Variants in KCNAB1 observed in about 807,000 individuals in gnomAD.
KCNAB1 encodes potassium voltage-gated channel subfamily A regulatory beta subunit 1.
In KCNAB1, 35 loss-of-function variants were observed where a neutral mutation model predicts 64.6. The ratio of observed to expected loss-of-function variants is 0.54; its 90% CI spans 0.41 to 0.72. The LOEUF (loss-of-function observed/expected upper bound fraction) is 0.72, where lower values mean the gene tolerates loss of function less well. Among genes scored for constraint, KCNAB1 ranks in the 30% least tolerant of loss-of-function variants. The pLI is 0.00. For missense variants in KCNAB1, 401 were observed against 512.9 expected (o/e 0.78, Z 2.11); for synonymous variants, 177 against 183.8 (o/e 0.96, Z 0.30).
chr3:156,387,014 C>CTCTCTTTT (rs60888308), intron 1 of KCNAB1, among the ~76,000 whole-genome samples: 20 of 90,524 alleles, frequency 2.2e-4, no homozygotes, highest in African/African-American at 1.1e-3. Context: ...TTCTCTCTCT[C>CTCTCTTTT]TTTTTTTTTT....
intron 1 of KCNAB1, among the ~76,000 whole-genome samples, chr3:156,365,833 C>G (rs1725910536): frequency 6.6e-6 from 1 of 152,078 alleles, no homozygotes; most frequent in Non-Finnish European, 1.5e-5. Context: ...TCATACAATC[C>G]AAATGGATGC....
intron 8 of KCNAB1, among the ~76,000 whole-genome samples, chr3:156,497,040 T>C (rs1301125169): frequency 6.6e-6 from 1 of 152,190 alleles, no homozygotes; most frequent in Non-Finnish European, 1.5e-5. Context: ...ATATTAACAT[T>C]AATATTTAAA....
chr3:156,152,293 A>G (rs1715460306), intron 1 of KCNAB1, among the ~76,000 whole-genome samples: 1 of 152,214 alleles, frequency 6.6e-6, no homozygotes, highest in Non-Finnish European at 1.5e-5. Flanking sequence ...AGGCCCTCTG[A>G]GCACTGATGG....
At chr3:156,488,306 A>AG (rs1184351593) in intron 8 of KCNAB1, among the ~76,000 whole-genome samples, 2 of 152,010 alleles carry the variant, frequency 1.3e-5, no homozygotes, top group East Asian at 1.9e-4. Context: ...AAAAAAAAAA[A>AG]AAAGAAAAAC....
intron 1 of KCNAB1, among the ~76,000 whole-genome samples, chr3:156,189,802 C>T (rs1713442821): frequency 6.6e-6 from 1 of 152,116 alleles, no homozygotes; most frequent in African/African-American, 2.4e-5. Context: ...ATATGGGAGC[C>T]TCAGTGGGCA....
intron 8 of KCNAB1, among the ~76,000 whole-genome samples, chr3:156,491,818 A>G (rs1451025645): frequency 6.6e-6 from 1 of 152,100 alleles, no homozygotes; most frequent in Non-Finnish European, 1.5e-5. Context: ...GCTATCTAAT[A>G]TTATTCCTTG....
At chr3:156,406,422 T>C (rs187300687) in intron 1 of KCNAB1, among the ~76,000 whole-genome samples, 86 of 152,088 alleles carry the variant, frequency 5.7e-4, no homozygotes, top group Admixed American at 3.8e-3. Flanking sequence ...CAAAGAACCA[T>C]GAGAAGGGCA....
intron 8 of KCNAB1, among the ~76,000 whole-genome samples, chr3:156,478,450 A>G (rs1714540492): frequency 6.6e-6 from 1 of 152,124 alleles, no homozygotes; most frequent in Non-Finnish European, 1.5e-5. Flanking sequence ...TCTTTTAAAC[A>G]CAGGGGACGT....
At chr3:156,330,890 CT>C (rs1446222474) in intron 1 of KCNAB1, among the ~76,000 whole-genome samples, 1 of 152,170 alleles carries the variant, frequency 6.6e-6, no homozygotes, top group Non-Finnish European at 1.5e-5. Flanking sequence ...CTTGGCATTC[CT>C]TTTCTAGGTT....
At chr3:156,242,542 C>CT (rs572043091) in intron 1 of KCNAB1, among the ~76,000 whole-genome samples, 19 of 151,558 alleles carry the variant, frequency 1.3e-4, no homozygotes, top group South Asian at 4.2e-4. Flanking sequence ...CTTTTATACA[C>CT]TTTTTTTTTC....
intron 1 of KCNAB1, among the ~76,000 whole-genome samples, chr3:156,157,636 T>A (rs1715799406): frequency 6.6e-6 from 1 of 152,184 alleles, no homozygotes; most frequent in South Asian, 2.1e-4. Flanking sequence ...TTGCTTGAGG[T>A]GTGTATGCGT....
intron 1 of KCNAB1, among the ~76,000 whole-genome samples, chr3:156,312,578 G>T (rs1408966776): frequency 6.6e-6 from 1 of 151,810 alleles, no homozygotes; most frequent in Non-Finnish European, 1.5e-5. Context: ...TGGGTGTGGT[G>T]GTGCTTGCCT....
At position 156,155,340 on chromosome 3, in the gene KCNAB1, A is replaced by G. The variant is rs531192402; in HGVS notation, c.275+34454A>G. Among the ~76,000 whole-genome samples, 2 of 152,340 alleles carry G rather than the reference A, an allele frequency of 1.3e-5. 1 individual carries two copies. The highest frequency in any genetic ancestry group is 2.9e-5 in the Non-Finnish European group (2 of 68,026). ...TTAGGCTAAGTTCTCTGCTTTTTAA[A>G]GGATTTAATTCTAGTGGGGACGTGC... On this transcript the variant is annotated intron_variant, in intron 1 of 13. Transcript: ENST00000490337.
intron 1 of KCNAB1, among the ~76,000 whole-genome samples, chr3:156,154,467 G>C (rs1331174356): frequency 1.3e-5 from 2 of 152,072 alleles, no homozygotes; most frequent in African/African-American, 4.8e-5. Context: ...GACAAGTGTG[G>C]AGAGCTAGCT....
chr3:156,353,743 G>A (rs748260438), intron 1 of KCNAB1, among the ~76,000 whole-genome samples: 50 of 152,238 alleles, frequency 3.3e-4, no homozygotes, highest in Non-Finnish European at 6.5e-4. Context: ...GTTCACAACA[G>A]GGAGGCTGGC....
chr3:156,147,391 C>T (rs929217962), intron 1 of KCNAB1, among the ~76,000 whole-genome samples: 2 of 152,108 alleles, frequency 1.3e-5, no homozygotes, highest in Non-Finnish European at 2.9e-5. Context: ...TCCTGTGGAG[C>T]CCCTAATATT....
At chr3:156,524,421 T>C (rs748755955) in intron 12 of KCNAB1, among the ~76,000 whole-genome samples, 3 of 151,924 alleles carry the variant, frequency 2.0e-5, no homozygotes, top group Non-Finnish European at 4.4e-5. Context: ...TGCTGTGGAG[T>C]CCATGAAAGG....
At chr3:156,265,519 T>A (rs113083610) in intron 1 of KCNAB1, among the ~76,000 whole-genome samples, 2 of 152,184 alleles carry the variant, frequency 1.3e-5, no homozygotes, top group African/African-American at 4.8e-5. Context: ...CATGTGGACG[T>A]GATTCTCCAT....
At chr3:156,323,172 G>A (rs767811394) in intron 1 of KCNAB1, among the ~76,000 whole-genome samples, 3 of 152,092 alleles carry the variant, frequency 2.0e-5, no homozygotes, top group Non-Finnish European at 4.4e-5. Flanking sequence ...GCTCACCTAT[G>A]TAAGAAATTA....
Sources: allele counts gnomAD v4.1 joint callset (sites outside exome capture counted in the v4.1 genomes callset), GRCh38; gene constraint gnomAD v4.1.1; transcripts MANE v1.5; gene names NCBI Gene and HGNC (gene_info 2026-07-23, HGNC 2026-07-21).